Variants in GNB1 observed in about 807,000 individuals in gnomAD.
GNB1 encodes G protein subunit beta 1, also known as guanine nucleotide-binding protein G(I)/G(S)/G(T) subunit beta-1.
Under a neutral mutation model 42.9 loss-of-function variants are expected in GNB1, and 2 were observed. That is an observed-to-expected ratio of 0.05 (90% CI 0.02 to 0.15). The LOEUF is 0.15. Ranked by LOEUF, GNB1 falls within the 10% of genes least tolerant of loss-of-function variation. The probability of loss-of-function intolerance (pLI) is 1.00; values close to 1 mark genes in which losing one functional copy is unlikely to be tolerated. For synonymous variants in GNB1, 183 were observed against 174.7 expected, an observed-to-expected ratio of 1.05 and a Z score of -0.38; for missense variants, 193 against 462.2, an observed-to-expected ratio of 0.42 and a Z score of 5.34.
chr1:1,788,217 C>T (rs1328501744), intron 10 of GNB1: 1 of 152,322 alleles, frequency 6.6e-6, no homozygotes, highest in African/African-American at 2.4e-5. Flanking sequence ...ATGAGGGGGC[C>T]TTCTGTCAAC....
intron 1 of GNB1, among the ~76,000 whole-genome samples, chr1:1,886,769 G>C (rs960152941): frequency 5.3e-5 from 8 of 152,086 alleles, no homozygotes; most frequent in Non-Finnish European, 1.2e-4. Flanking sequence ...TGCAGTGGCC[G>C]ATCTTGGCTC....
At chr1:1,793,974 A>C (rs985488131) in intron 7 of GNB1, 2 of 152,676 alleles carry the variant, frequency 1.3e-5, no homozygotes, top group African/African-American at 4.8e-5. Context: ...GGAACGCGGC[A>C]TGGCAGCAAC....
At chr1:1,841,421 C>T (rs1362363323) in intron 1 of GNB1, among the ~76,000 whole-genome samples, 1 of 152,194 alleles carries the variant, frequency 6.6e-6, no homozygotes, top group East Asian at 1.9e-4. Context: ...CTCAGGTAAT[C>T]CGCCTGTTTC....
chr1:1,812,407 T>TATAC (rs1553195490), intron 5 of GNB1, among the ~76,000 whole-genome samples: 3 of 146,304 alleles, frequency 2.1e-5, no homozygotes, highest in Non-Finnish European at 3.0e-5. Flanking sequence ...CACACATACA[T>TATAC]ACACACACAC....
chr1:1,853,879 T>C (rs1233198915), intron 1 of GNB1, among the ~76,000 whole-genome samples: 1 of 152,164 alleles, frequency 6.6e-6, no homozygotes, highest in African/African-American at 2.4e-5. Flanking sequence ...AGTACATATA[T>C]AGTCATATTA....
At chr1:1,875,926 C>T (rs1050466493) in intron 1 of GNB1, among the ~76,000 whole-genome samples, 6 of 152,018 alleles carry the variant, frequency 3.9e-5, no homozygotes, top group South Asian at 2.1e-4. Context: ...TAAGTTAAAA[C>T]GAGGTCATAC....
chr1:1,842,290 C>T (rs993290537), intron 1 of GNB1, among the ~76,000 whole-genome samples: 11 of 152,090 alleles, frequency 7.2e-5, no homozygotes, highest in Non-Finnish European at 1.2e-4. Context: ...ATTAGCCGGG[C>T]ATGGTGGCGG....
rs528317360 is a variant in GNB1 at position 1,799,462 on chromosome 1, G to A, written c.430+4957C>T. Among the ~76,000 whole-genome samples, 173 of 152,268 alleles carry A rather than the reference G, an allele frequency of 1.1e-3. 3 individuals carry two copies. The South Asian group carries it at 0.034, about 30-fold the overall frequency. ...TGGAAACAGATGCACAGACTCTGAC[G>A]GTCATGGGAAGGGACTGCTGAACAT... On this transcript the variant is annotated intron_variant, in intron 7 of 11. Transcript: ENST00000378609.
intron 1 of GNB1, among the ~76,000 whole-genome samples, chr1:1,851,970 G>A (rs943426117): frequency 3.3e-5 from 5 of 151,606 alleles, no homozygotes; most frequent in South Asian, 2.1e-4. Context: ...TTGAACCCAG[G>A]AGGCAGAGAT....
chr1:1,862,587 G>A (rs547234647), intron 1 of GNB1, among the ~76,000 whole-genome samples: 2 of 151,374 alleles, frequency 1.3e-5, no homozygotes, highest in African/African-American at 2.4e-5. Flanking sequence ...TCAGCATCCC[G>A]AGTAGCTGGG....
intron 1 of GNB1, among the ~76,000 whole-genome samples, chr1:1,862,854 A>C (rs1648709115): frequency 6.6e-6 from 1 of 152,174 alleles, no homozygotes; most frequent in Non-Finnish European, 1.5e-5. Context: ...CGTAGGCATC[A>C]CACCTTGGAG....
chr1:1,890,594 G>A (rs1447728015), intron 1 of GNB1, among the ~76,000 whole-genome samples: 1 of 148,654 alleles, frequency 6.7e-6, no homozygotes, highest in African/African-American at 2.4e-5. Context: ...CCTTGGGCCT[G>A]GGACCCCGGC....
chr1:1,836,409 T>G (rs1055598747), intron 2 of GNB1, among the ~76,000 whole-genome samples: 5 of 77,680 alleles, frequency 6.4e-5, no homozygotes, highest in Admixed American at 3.2e-4. Context: ...TTTTTTTTTT[T>G]GACACAGGGT....
In GNB1 at chr1:1,808,479, ATG is replaced by A. The variant is rs778646393; in HGVS notation, c.204-1943_204-1942del. Reference sequence around the variant, plus strand: ...TAACTCCTGGGAACCACAGTTGCTTATGAGAGGTCCTAAGGAACCCTGTAGCA... The same window carrying A: ...TAACTCCTGGGAACCACAGTTGCTTAAGAGGTCCTAAGGAACCCTGTAGCA... On this transcript the variant is annotated intron_variant, in intron 5 of 11. Transcript: ENST00000378609. Among the ~76,000 whole-genome samples, 41 of 152,312 alleles carry A rather than the reference ATG, an allele frequency of 2.7e-4. 2 individuals are homozygous for A. The East Asian group carries it at 2.7e-3, about 10-fold the overall frequency.
chr1:1,880,962 A>G (rs1649811914), intron 1 of GNB1, among the ~76,000 whole-genome samples: 5 of 152,182 alleles, frequency 3.3e-5, no homozygotes. Flanking sequence ...CAATGAGATC[A>G]GAGCACACCC....
intron 1 of GNB1, among the ~76,000 whole-genome samples, chr1:1,845,786 C>T (rs1647616088): frequency 7.0e-6 from 1 of 143,296 alleles, no homozygotes; most frequent in Non-Finnish European, 1.5e-5. Flanking sequence ...ATTCTCTATA[C>T]ATTTATTCCG....
intron 1 of GNB1, among the ~76,000 whole-genome samples, chr1:1,842,893 C>T (rs1240140220): frequency 1.3e-5 from 2 of 152,240 alleles, no homozygotes; most frequent in Non-Finnish European, 2.9e-5. Context: ...CGCTCCGGGG[C>T]AGGGTCCTAT....
intron 1 of GNB1, among the ~76,000 whole-genome samples, chr1:1,880,876 T>C (rs943969509): frequency 3.3e-5 from 5 of 152,006 alleles, no homozygotes; most frequent in Non-Finnish European, 7.4e-5. Context: ...AGACTGCCTG[T>C]GTCCATGGAG....
intron 1 of GNB1, among the ~76,000 whole-genome samples, chr1:1,884,214 C>T (rs1208496543): frequency 2.0e-5 from 3 of 151,796 alleles, no homozygotes; most frequent in African/African-American, 7.3e-5. Context: ...TCACTGCAAC[C>T]TCAGCCTCCC....
Sources: allele counts gnomAD v4.1 joint callset (sites outside exome capture counted in the v4.1 genomes callset), GRCh38; gene constraint gnomAD v4.1.1; transcripts MANE v1.5; gene names NCBI Gene and HGNC (gene_info 2026-07-23, HGNC 2026-07-21).